The following FSTL4 variants were observed in gnomAD, a reference collection of about 807,000 sequenced individuals.
FSTL4 encodes the protein follistatin like 4.
In FSTL4, 28 loss-of-function variants were observed where a neutral mutation model predicts 78.2. That is an observed-to-expected ratio of 0.36 (90% CI 0.27 to 0.49). FSTL4 has a LOEUF of 0.49. Ranked by LOEUF, FSTL4 falls within the 20% of genes least tolerant of loss-of-function variation. The pLI is 0.98. For missense variants in FSTL4, 922 were observed against 1,084.9 expected (o/e 0.85, Z 2.11); for synonymous variants, 422 against 440.5 (o/e 0.96, Z 0.53).
At chr5:133,658,348 G>A in the FSTL4 span, among the ~76,000 whole-genome samples, 1 of 151,988 alleles carries the variant, frequency 6.6e-6, no homozygotes, top group African/African-American at 2.4e-5. Context: ...TTTCAGATTG[G>A]GATCATCTAT....
intron 2 of FSTL4, among the ~76,000 whole-genome samples, chr5:133,575,479 A>G (rs1760256914): frequency 1.3e-5 from 2 of 152,224 alleles, no homozygotes; most frequent in African/African-American, 4.8e-5. Flanking sequence ...CATGGTGTCC[A>G]GCACACAGGC....
chr5:133,783,346 T>A, the FSTL4 span, among the ~76,000 whole-genome samples: 1 of 152,264 alleles, frequency 6.6e-6, no homozygotes, highest in Non-Finnish European at 1.5e-5. Context: ...GGAATAATTA[T>A]GATTGTACCC....
Position 133,337,942 on chromosome 5 carries a change from CA to C in FSTL4, c.410-21291del, listed in dbSNP as rs767244938. Reference sequence around the variant, plus strand: ...AATGGAGATCAAATGTGAAGACAGTCATGGTTCTTGCCTACAGATCACTTAA... The same window carrying C: ...AATGGAGATCAAATGTGAAGACAGTCTGGTTCTTGCCTACAGATCACTTAA... On this transcript the variant is annotated intron_variant, in intron 4 of 15. Transcript: ENST00000265342. 1.2e-4 allele frequency among the ~76,000 whole-genome samples: 18 copies of C among 152,144 alleles called. No homozygotes were observed. In the East Asian group the frequency reaches 2.5e-3, roughly 21 times the overall value.
chr5:133,826,129 C>T, the FSTL4 span, among the ~76,000 whole-genome samples: 3 of 152,324 alleles, frequency 2.0e-5, no homozygotes, highest in African/African-American at 4.8e-5. Context: ...CGCTCCATGG[C>T]TGGGGACTCC....
At chr5:133,279,896 G>A (rs969078899) in intron 6 of FSTL4, among the ~76,000 whole-genome samples, 3 of 152,218 alleles carry the variant, frequency 2.0e-5, no homozygotes, top group African/African-American at 4.8e-5. Context: ...CTTATGAGAC[G>A]AGGAGAAGAC....
At chr5:133,562,203 C>G (rs1487390922) in intron 3 of FSTL4, among the ~76,000 whole-genome samples, 1 of 152,150 alleles carries the variant, frequency 6.6e-6, no homozygotes, top group Non-Finnish European at 1.5e-5. Flanking sequence ...AAGAAGTTAC[C>G]CCAAAATAAC....
At chr5:133,219,319 C>G (rs984110916) in intron 12 of FSTL4, among the ~76,000 whole-genome samples, 12 of 152,210 alleles carry the variant, frequency 7.9e-5, no homozygotes, top group Non-Finnish European at 1.6e-4. Context: ...ACTAGTCTCT[C>G]TCCTTTTACT....
intron 7 of FSTL4, among the ~76,000 whole-genome samples, chr5:133,235,212 G>A (rs558673158): frequency 6.6e-6 from 1 of 152,172 alleles, no homozygotes; most frequent in African/African-American, 2.4e-5. Context: ...GGGCATGGTA[G>A]CTCATGCCTG....
the FSTL4 span, among the ~76,000 whole-genome samples, chr5:133,641,629 G>A: frequency 6.6e-6 from 1 of 152,024 alleles, no homozygotes; most frequent in East Asian, 1.9e-4. Flanking sequence ...CACATACATA[G>A]GCAAAAATGT....
chr5:133,317,435 C>T (rs939032728), intron 4 of FSTL4, among the ~76,000 whole-genome samples: 3 of 152,220 alleles, frequency 2.0e-5, no homozygotes, highest in African/African-American at 7.2e-5. Flanking sequence ...CCCCTCCAGC[C>T]CCACTTCCCG....
intron 6 of FSTL4, among the ~76,000 whole-genome samples, chr5:133,295,179 C>A (rs1046952550): frequency 2.6e-5 from 4 of 152,176 alleles, no homozygotes; most frequent in African/African-American, 9.7e-5. Context: ...TCAGCCATGA[C>A]CTTGCTTCCT....
At chr5:133,335,778 C>T (rs1430408711) in intron 4 of FSTL4, among the ~76,000 whole-genome samples, 2 of 152,020 alleles carry the variant, frequency 1.3e-5, no homozygotes, top group Admixed American at 6.5e-5. Context: ...GTGTGATGCC[C>T]ACCAAGAAGA....
At chr5:133,205,386 CGTGTGTGTGTGT>C (rs3087070) in intron 14 of FSTL4, among the ~76,000 whole-genome samples, 2 of 150,732 alleles carry the variant, frequency 1.3e-5, no homozygotes, top group African/African-American at 2.4e-5. Context: ...TTTTTCTTTG[CGTGTGTGTGTGT>C]GTGTGTGTGT....
chr5:133,522,023 G>A (rs2112898804), intron 3 of FSTL4, among the ~76,000 whole-genome samples: 1 of 152,262 alleles, frequency 6.6e-6, no homozygotes, highest in Non-Finnish European at 1.5e-5. Flanking sequence ...AACTTCAGGA[G>A]ACACTGTGCA....
At chr5:133,599,541 T>C (rs1395367885) in intron 2 of FSTL4, among the ~76,000 whole-genome samples, 1 of 152,180 alleles carries the variant, frequency 6.6e-6, no homozygotes. Context: ...GAGGTGACAA[T>C]TTAAGAAAGA....
intron 4 of FSTL4, among the ~76,000 whole-genome samples, chr5:133,376,900 A>AG: frequency 7.1e-6 from 1 of 140,338 alleles, no homozygotes; most frequent in Admixed American, 7.4e-5. Context: ...AAAAAAAAAA[A>AG]AAAAAGAAAA....
At chr5:133,801,094 G>A in the FSTL4 span, among the ~76,000 whole-genome samples, 6,600 of 152,072 alleles carry the variant, frequency 0.043, 502 homozygotes, top group African/African-American at 0.15. Flanking sequence ...GGGTTTCTCC[G>A]TTTTCTGGTT....
At chr5:133,498,396 C>T (rs368139341) in intron 3 of FSTL4, among the ~76,000 whole-genome samples, 4 of 152,136 alleles carry the variant, frequency 2.6e-5, no homozygotes, top group African/African-American at 4.8e-5. Context: ...ATTATTGATA[C>T]GTCTATACAT....
the FSTL4 span, among the ~76,000 whole-genome samples, chr5:133,835,482 A>G: frequency 6.6e-6 from 1 of 152,240 alleles, no homozygotes; most frequent in Non-Finnish European, 1.5e-5. Context: ...TCAGGTAGTT[A>G]GACACCCAGG....
Sources: gnomAD v4.1 joint callset for allele counts (sites outside exome capture counted in the v4.1 genomes callset) on GRCh38, gnomAD v4.1.1 for gene constraint, MANE v1.5 for transcripts, NCBI Gene and HGNC (gene_info 2026-07-23, HGNC 2026-07-21) for gene names.